The following LINGO2 variants were observed in gnomAD, a reference collection of about 807,000 sequenced individuals.
LINGO2 encodes the protein leucine-rich repeat and immunoglobulin-like domain-containing nogo receptor-interacting protein 2.
A neutral mutation model predicts 30.6 loss-of-function variants in LINGO2; 14 were observed. That is an observed-to-expected ratio of 0.46 (90% CI 0.30 to 0.72). The LOEUF (loss-of-function observed/expected upper bound fraction) is 0.72, where lower values mean the gene tolerates loss of function less well. Among genes scored for constraint, LINGO2 ranks in the 30% least tolerant of loss-of-function variants. The pLI is 0.07. For missense variants in LINGO2, 729 were observed against 751.7 expected, an observed-to-expected ratio of 0.97 and a Z score of 0.35; for synonymous variants, 317 against 288.5, an observed-to-expected ratio of 1.10 and a Z score of -1.00.
the LINGO2 span, among the ~76,000 whole-genome samples, chr9:28,919,182 T>C: frequency 6.6e-6 from 1 of 152,178 alleles, no homozygotes; most frequent in Admixed American, 6.6e-5. Context: ...GTGCACTGGC[T>C]GAACTACTTC....
chr9:28,320,611 C>A (rs1424706668), intron 3 of LINGO2, among the ~76,000 whole-genome samples: 1 of 152,144 alleles, frequency 6.6e-6, no homozygotes, highest in African/African-American at 2.4e-5. Flanking sequence ...AGGAATATAA[C>A]TTTAGGCACA....
At chr9:28,190,997 G>T (rs1490210483) in intron 4 of LINGO2, among the ~76,000 whole-genome samples, 2 of 152,142 alleles carry the variant, frequency 1.3e-5, no homozygotes, top group African/African-American at 4.8e-5. Flanking sequence ...TTTGCTCTTT[G>T]CCAGCCAGGT....
At chr9:27,950,336 T>C (rs765963911) in exon 6 of LINGO2, 4 of 1,614,190 alleles carry the variant, frequency 2.5e-6, no homozygotes, top group Non-Finnish European at 1.7e-6. Flanking sequence ...GATTGCCTTT[T>C]AGGCGGAGGG....
the LINGO2 span, among the ~76,000 whole-genome samples, chr9:28,758,844 T>C: frequency 6.6e-6 from 1 of 152,134 alleles, no homozygotes; most frequent in African/African-American, 2.4e-5. Flanking sequence ...GATAACTTAC[T>C]GGATCCATTT....
chr9:28,893,362 C>T, the LINGO2 span, among the ~76,000 whole-genome samples: 1 of 151,930 alleles, frequency 6.6e-6, no homozygotes, highest in African/African-American at 2.4e-5. Context: ...GACTAGTTCC[C>T]CCTCAGCCCA....
intron 4 of LINGO2, among the ~76,000 whole-genome samples, chr9:28,141,860 C>T (rs1195734257): frequency 1.4e-4 from 22 of 152,122 alleles, no homozygotes; most frequent in Admixed American, 1.2e-3. Flanking sequence ...TGCAGTGAGC[C>T]GAGATCGCGC....
chr9:28,652,513 A>G (rs1269106593), intron 1 of LINGO2, among the ~76,000 whole-genome samples: 1 of 152,132 alleles, frequency 6.6e-6, no homozygotes, highest in Non-Finnish European at 1.5e-5. Flanking sequence ...CTGAGTTTCC[A>G]ATACATACAG....
At chr9:28,714,081 C>T in the LINGO2 span, among the ~76,000 whole-genome samples, 1 of 151,030 alleles carries the variant, frequency 6.6e-6, no homozygotes, top group African/African-American at 2.4e-5. Flanking sequence ...ATCGCTTGAA[C>T]CTGGGAGGTG....
the LINGO2 span, among the ~76,000 whole-genome samples, chr9:28,968,516 C>A: frequency 6.6e-6 from 1 of 152,066 alleles, no homozygotes; most frequent in African/African-American, 2.4e-5. Flanking sequence ...GCTACCCTAC[C>A]TTCTTAAAGG....
the LINGO2 span, among the ~76,000 whole-genome samples, chr9:29,193,816 A>C: frequency 6.6e-6 from 1 of 152,158 alleles, no homozygotes; most frequent in Non-Finnish European, 1.5e-5. Flanking sequence ...AACCACTCTC[A>C]GTTTGCTGAA....
At chr9:28,763,487 C>T in the LINGO2 span, among the ~76,000 whole-genome samples, 1 of 151,748 alleles carries the variant, frequency 6.6e-6, no homozygotes, top group African/African-American at 2.4e-5. Context: ...TATCTCAAGA[C>T]AAACAAACAT....
intron 1 of LINGO2, among the ~76,000 whole-genome samples, chr9:28,556,257 A>G (rs1822682877): frequency 6.6e-6 from 1 of 152,100 alleles, no homozygotes; most frequent in South Asian, 2.1e-4. Context: ...CCATAGTCTC[A>G]GCCCAAAATC....
chr9:28,417,421 T>G (rs1359843347), intron 2 of LINGO2, among the ~76,000 whole-genome samples: 1 of 152,238 alleles, frequency 6.6e-6, no homozygotes, highest in Non-Finnish European at 1.5e-5. Flanking sequence ...TGATAGTAAT[T>G]ATATTTTAAA....
At chr9:27,956,035 G>A (rs1425267264) in intron 5 of LINGO2, among the ~76,000 whole-genome samples, 2 of 149,534 alleles carry the variant, frequency 1.3e-5, no homozygotes, top group Non-Finnish European at 3.0e-5. Context: ...CGCCTCCTGC[G>A]TTCAAGCGAT....
intron 2 of LINGO2, among the ~76,000 whole-genome samples, chr9:28,404,926 G>T (rs1412231): frequency 3.3e-5 from 5 of 150,808 alleles, no homozygotes; most frequent in African/African-American, 7.3e-5. Context: ...GTGTGTGTGT[G>T]TAAAATTCCA....
intron 1 of LINGO2, among the ~76,000 whole-genome samples, chr9:28,659,469 T>C (rs555384037): frequency 2.6e-5 from 4 of 151,856 alleles, no homozygotes; most frequent in Admixed American, 6.6e-5. Flanking sequence ...TTTTTTTTTT[T>C]CTTTGAGACA....
chr9:29,175,527 T>G, the LINGO2 span, among the ~76,000 whole-genome samples: 1 of 147,338 alleles, frequency 6.8e-6, no homozygotes, highest in Non-Finnish European at 1.5e-5. Flanking sequence ...CCGAGATTTT[T>G]TTTTTTTTTT....
At chr9:28,307,379 A>G (rs1042625904) in intron 3 of LINGO2, among the ~76,000 whole-genome samples, 1 of 151,966 alleles carries the variant, frequency 6.6e-6, no homozygotes, top group African/African-American at 2.4e-5. Flanking sequence ...AAATTCAACA[A>G]CCCTTCATGC....
the LINGO2 span, among the ~76,000 whole-genome samples, chr9:28,949,146 G>A: frequency 6.6e-6 from 1 of 151,990 alleles, no homozygotes; most frequent in Non-Finnish European, 1.5e-5. Flanking sequence ...ATGCCGACAG[G>A]AGAAAGTGGG....
Sources: allele counts gnomAD v4.1 joint callset (sites outside exome capture counted in the v4.1 genomes callset), GRCh38; gene constraint gnomAD v4.1.1; transcripts MANE v1.5; gene names NCBI Gene and HGNC (gene_info 2026-07-23, HGNC 2026-07-21).